Variants in GJB1 observed in about 807,000 individuals in gnomAD.
GJB1 encodes the protein gap junction protein beta 1.
In GJB1, 1 loss-of-function variant was observed where a neutral mutation model predicts 12.0. The observed-to-expected ratio is 0.08, with a 90% confidence interval of 0.03 to 0.40. GJB1 has a LOEUF of 0.40. Ranked by LOEUF, GJB1 falls within the 10% of genes least tolerant of loss-of-function variation. The pLI is 0.98. For synonymous variants in GJB1, 114 were observed against 102.8 expected (o/e 1.11, Z -0.66); for missense variants, 140 against 250.3 (o/e 0.56, Z 2.97).
chrX:71,217,134 G>GTGTGTGTGTGTGTGTC (rs2092527263), intron 1 of GJB1, among the ~76,000 whole-genome samples: 1 of 110,084 alleles, frequency 9.1e-6, no homozygotes, highest in African/African-American at 3.4e-5. Flanking sequence ...GTGTGTGTGT[G>GTGTGTGTGTGTGTGTC]TGTGTGCGTG....
At chrX:71,221,318 A>C (rs2092537549), upstream of GJB1, among the ~76,000 whole-genome samples, 1 of 96,383 alleles carries the variant, frequency 1.0e-5, no homozygotes, top group African/African-American at 3.8e-5. Flanking sequence ...GAACTCACTA[A>C]GGCTTTTTAT....
At chrX:71,221,649 A>G (rs1027795861), upstream of GJB1, among the ~76,000 whole-genome samples, 8 of 111,313 alleles carry the variant, frequency 7.2e-5, no homozygotes, top group Non-Finnish European at 1.1e-4. Context: ...TCCTGCTGCT[A>G]GTATGATCTC....
upstream of GJB1, among the ~76,000 whole-genome samples, chrX:71,218,658 C>A (rs973978224): frequency 1.0e-4 from 11 of 109,746 alleles, no homozygotes; most frequent in South Asian, 3.1e-3. Context: ...CCGAGGCGGG[C>A]GGATCACGAG....
Position 71,225,419 on chromosome X carries a change from T to C in GJB1, c.*860T>C. On this transcript the variant is annotated 3_prime_UTR_variant, in exon 2 of 2. Coordinates refer to ENST00000361726, the MANE Select transcript of GJB1 (RefSeq NM_000166.6). The stretch of plus-strand genomic sequence containing the variant: ...CTGTTGCTTTTGTTGTTGTGGTTCT[T>C]GTCTTTTTCATTGTCTAATAACAGC... 8.1e-6 allele frequency: 1 copy of C among 123,449 alleles called. No individual in the cohort carries two copies. The highest frequency in any genetic ancestry group is 3.2e-5 in the African/African-American group (1 of 30,866). 10.2% of individuals were successfully genotyped at this position (123,449 alleles called of 1,213,427 possible).
chrX:71,221,335 A>ATTTATTT (rs1193890457), upstream of GJB1, among the ~76,000 whole-genome samples: 1 of 98,519 alleles, frequency 1.0e-5, no homozygotes, highest in African/African-American at 3.8e-5. Context: ...TTATTTATTT[A>ATTTATTT]TTTATTTATT....
In GJB1 at chrX:71,225,002, G is replaced by A. The variant is rs533182215; in HGVS notation, c.*443G>A. Reference sequence around the variant, plus strand: ...TGGACATGTGGGTGGAGAAGGGAGGGTGGCCAGCACTAGTAAAGGAGGAAT... The same window carrying A: ...TGGACATGTGGGTGGAGAAGGGAGGATGGCCAGCACTAGTAAAGGAGGAAT... On this transcript the variant is annotated 3_prime_UTR_variant, in exon 2 of 2. Coordinates refer to ENST00000361726, the MANE Select transcript of GJB1 (RefSeq NM_000166.6). The A allele has an allele frequency of 5.0e-5, 9 of 179,182 alleles. No homozygotes were observed. In the South Asian group the frequency reaches 1.1e-3, roughly 22 times the overall value. 14.8% of individuals were successfully genotyped at this position (179,182 alleles called of 1,213,427 possible). A position where few individuals can be genotyped will look rare whatever the true frequency, so the allele number is the denominator to read the frequency against.
upstream of GJB1, among the ~76,000 whole-genome samples, chrX:71,218,676 G>C (rs1347264314): frequency 9.1e-6 from 1 of 110,347 alleles, no homozygotes; most frequent in African/African-American, 3.3e-5. Context: ...GAGGTCAGGA[G>C]ATCAAGACCA....
rs764662525 is a variant in GJB1, at chrX:71,215,974, C to T, written c.-17+703C>T. Among the ~76,000 whole-genome samples, 11 of 108,887 alleles carry T rather than the reference C, an allele frequency of 1.0e-4. No individual in the cohort carries two copies. In the South Asian group the frequency reaches 4.4e-3, roughly 44 times the overall value. The allele number at this position is 108,887 out of a possible 115,157, so 94.6% of individuals were successfully genotyped here. On this transcript the variant is annotated intron_variant, in intron 1 of 1. Transcript: ENST00000374029. ...GCAACCTCTGCCTCCCGGGTTCAAG[C>T]GATTCTCCTGCCTCAGCCTCCCGAG...
intron 1 of GJB1, among the ~76,000 whole-genome samples, chrX:71,218,124 T>C (rs2092528834): frequency 9.0e-6 from 1 of 110,701 alleles, no homozygotes; most frequent in Non-Finnish European, 1.9e-5. Context: ...AAACACCATC[T>C]CTACTAAAAA....
rs1602349785 is a variant in GJB1, at chrX:71,224,338, T to C, written c.631T>C (p.Tyr211His). ...CATCCTCAATGTGGCCGAGGTGGTG[T>C]ACCTCATCATCCGGGCCTGTGCCCG... ...CIILNVAEVV[Y>H]LIIRACARRA... Residue 211 changes from tyrosine (Y) to histidine (H), a missense_variant, in exon 2 of 2, where the codon TAC (tyrosine) becomes CAC (histidine). By Grantham distance (83) the Tyr-to-His change is moderately conservative. Around this residue, in one of 4 missense-constraint regions of GJB1, gnomAD observed 75 missense variants for 78.8 expected, o/e 0.95. Transcript: ENST00000361726. 8.3e-7 allele frequency: 1 copy of C among 1,208,672 alleles called. No individual in the cohort carries two copies. The highest frequency in any genetic ancestry group is 1.1e-6 in the Non-Finnish European group (1 of 894,926).
chrX:71,222,376 T>A (rs919382416), upstream of GJB1, among the ~76,000 whole-genome samples: 1 of 108,081 alleles, frequency 9.3e-6, no homozygotes, highest in Non-Finnish European at 1.9e-5. Flanking sequence ...GCAGCTGGGA[T>A]TACAGGCATG....
At chrX:71,216,708 G>A (rs767378408) in intron 1 of GJB1, among the ~76,000 whole-genome samples, 1 of 111,214 alleles carries the variant, frequency 9.0e-6, no homozygotes, top group African/African-American at 3.3e-5. Context: ...GAATGAGCTA[G>A]ACTGGACCTG....
rs1291572390 is a variant in GJB1, at chrX:71,224,055, C to T, written c.348C>T (p.His116=). The stretch of plus-strand genomic sequence containing the variant: ...TTGAGGGCCATGGGGACCCCCTACA[C>T]CTGGAGGAGGTGAAGAGGCACAAGG... The part of the protein sequence containing the change: ...LRLEGHGDPL[H]LEEVKRHKVH... The change falls in exon 2 of 2, where the codon CAC becomes CAT. Residue 116 remains histidine (H), a synonymous_variant. Transcript: ENST00000361726. 1.7e-6 allele frequency: 2 copies of T among 1,203,492 alleles called. No individual in the cohort carries two copies. The highest frequency in any genetic ancestry group is 3.6e-5 in the South Asian group (2 of 55,448).
chrX:71,224,499 C>T lies in GJB1; in HGVS notation c.792C>T (p.Arg264=), dbSNP rs751486192. The stretch of plus-strand genomic sequence containing the variant: ...ATGGCTCCCTGAAAGACATACTGCG[C>T]CGCAGCCCTGGCACCGGGGCTGGGC... ...EQDGSLKDIL[R]RSPGTGAGLA... is the part of the protein sequence containing the mutation. The change falls in exon 2 of 2, where the codon CGC becomes CGT. Residue 264 remains arginine, a synonymous_variant. Transcript: ENST00000361726. 1 of 1,200,790 alleles carries T rather than the reference C, an allele frequency of 8.3e-7. No homozygotes were observed. The highest frequency in any genetic ancestry group is 1.8e-5 in the South Asian group (1 of 55,449).
At chrX:71,221,984 A>T (rs187627585), upstream of GJB1, among the ~76,000 whole-genome samples, 226 of 110,101 alleles carry the variant, frequency 2.1e-3, no homozygotes, top group African/African-American at 6.9e-3. Flanking sequence ...AAAAAAAAAA[A>T]TTGAAAAATT....
At chrX:71,223,425 ATGGGCT>A in intron 1 of GJB1, 90 bp downstream of exon 1, 1 of 421,656 alleles carries the variant, frequency 2.4e-6, no homozygotes, top group Non-Finnish European at 4.2e-6. Context: ...TCGGAACAAG[ATGGGCT>A]TGGCAAAGAA....
At chrX:71,222,702 G>A (rs774169363), upstream of GJB1, 9 of 110,410 alleles carry the variant, frequency 8.2e-5, no homozygotes, top group Non-Finnish European at 1.5e-4. Flanking sequence ...TTACTTATCT[G>A]AGCTTCAGCT....
At chrX:71,217,340 T>C (rs949111343) in intron 1 of GJB1, among the ~76,000 whole-genome samples, 1 of 112,249 alleles carries the variant, frequency 8.9e-6, no homozygotes, top group Non-Finnish European at 1.9e-5. Flanking sequence ...TTAACCTCTC[T>C]GAGCCTCAAC....
upstream of GJB1, among the ~76,000 whole-genome samples, chrX:71,218,669 G>A (rs2092530223): frequency 9.1e-6 from 1 of 110,239 alleles, no homozygotes; most frequent in Non-Finnish European, 1.9e-5. Flanking sequence ...GGATCACGAG[G>A]TCAGGAGATC....
Sources: gnomAD v4.1 joint callset for allele counts (sites outside exome capture counted in the v4.1 genomes callset) on GRCh38, gnomAD v4.1.1 for gene constraint, gnomAD v4.1.1 regional missense constraint, MANE v1.5 for transcripts, NCBI Gene and HGNC (gene_info 2026-07-23, HGNC 2026-07-21) for gene names.